The following RBFOX1 variants were observed in gnomAD, a reference collection of about 807,000 sequenced individuals.
RBFOX1 encodes the protein RNA binding fox-1 homolog 1.
RBFOX1 carries 8 observed loss-of-function variants against 57.7 expected under a neutral mutation model. The observed-to-expected ratio is 0.14, with a 90% CI of 0.08 to 0.25. The LOEUF (loss-of-function observed/expected upper bound fraction) is 0.25. RBFOX1 is among the 10% of genes least tolerant of loss of function. The pLI, the probability that RBFOX1 is intolerant of heterozygous loss-of-function variation, is 1.00. For synonymous variants in RBFOX1, 326 were observed against 222.4 expected, an observed-to-expected ratio of 1.47 and a Z score of -4.15; for missense variants, 611 against 548.5, an observed-to-expected ratio of 1.11 and a Z score of -1.14.
intron 2 of RBFOX1, among the ~76,000 whole-genome samples, chr16:6,482,631 C>G (rs1028095875): frequency 6.6e-6 from 1 of 152,174 alleles, no homozygotes; most frequent in African/African-American, 2.4e-5. Flanking sequence ...TCAGCGCATT[C>G]TCATTTAGTA....
chr16:7,185,810 C>G (rs534531269), intron 4 of RBFOX1, among the ~76,000 whole-genome samples: 1 of 152,270 alleles, frequency 6.6e-6, no homozygotes, highest in African/African-American at 2.4e-5. Context: ...GAGCATCAGT[C>G]AGACTCTCAG....
At chr16:5,717,240 T>C (rs1209380499) in intron 3 of RBFOX1, among the ~76,000 whole-genome samples, 2 of 152,216 alleles carry the variant, frequency 1.3e-5, no homozygotes, top group African/African-American at 2.4e-5. Context: ...AGGATTTTCT[T>C]GTGTGATACA....
intron 4 of RBFOX1, among the ~76,000 whole-genome samples, chr16:7,214,152 G>C (rs2091634336): frequency 6.6e-6 from 1 of 151,950 alleles, no homozygotes; most frequent in Non-Finnish European, 1.5e-5. Context: ...CTCAAACAAG[G>C]AATTATTATC....
At chr16:7,021,342 T>G (rs1282362041) in intron 3 of RBFOX1, among the ~76,000 whole-genome samples, 1 of 147,838 alleles carries the variant, frequency 6.8e-6, no homozygotes. Flanking sequence ...TTAAAAACAT[T>G]TTTGAATATT....
chr16:5,369,591 C>A (rs1410006962), intron 1 of RBFOX1, among the ~76,000 whole-genome samples: 1 of 152,246 alleles, frequency 6.6e-6, no homozygotes, highest in East Asian at 1.9e-4. Flanking sequence ...TCATGCCCCA[C>A]ACGCTCCTGA....
chr16:6,052,211 C>G (rs2095559294), intron 1 of RBFOX1, among the ~76,000 whole-genome samples: 1 of 152,044 alleles, frequency 6.6e-6, no homozygotes, highest in Non-Finnish European at 1.5e-5. Context: ...CTGCTTCTTC[C>G]TTCCATTTCC....
In RBFOX1 at chr16:5,996,629, T is replaced by C. The variant is rs533157025; in HGVS notation, c.351+129294T>C. Among the ~76,000 whole-genome samples, 9 of 152,162 alleles carry C rather than the reference T, an allele frequency of 5.9e-5. No homozygotes were observed. In the East Asian group the frequency reaches 1.4e-3, roughly 23 times the overall value. On this transcript the variant is annotated intron_variant, in intron 4 of 19. Coordinates refer to the RBFOX1 transcript ENST00000641259. The stretch of plus-strand genomic sequence containing the variant: ...GGCTAATTCTGTACCCTAGGGCTAA[T>C]TGCAGCATAGGCATTTACCACCTTG...
At chr16:7,340,549 G>A (rs1289300576) in intron 4 of RBFOX1, among the ~76,000 whole-genome samples, 1 of 152,132 alleles carries the variant, frequency 6.6e-6, no homozygotes, top group Non-Finnish European at 1.5e-5. Context: ...CACAACCTAG[G>A]GAAGTCAAGA....
intron 4 of RBFOX1, among the ~76,000 whole-genome samples, chr16:5,970,962 G>A (rs1270519978): frequency 6.6e-6 from 1 of 152,214 alleles, no homozygotes; most frequent in African/African-American, 2.4e-5. Flanking sequence ...ATACCCAGAT[G>A]TTTTTCCTCA....
chr16:5,370,870 A>T (rs1202224849), intron 1 of RBFOX1, among the ~76,000 whole-genome samples: 3 of 152,114 alleles, frequency 2.0e-5, no homozygotes, highest in Admixed American at 2.0e-4. Context: ...ACTCCCCAGG[A>T]TCAAGACTAT....
intron 1 of RBFOX1, among the ~76,000 whole-genome samples, chr16:5,466,415 G>A (rs994941060): frequency 6.6e-6 from 1 of 152,088 alleles, no homozygotes. Context: ...CTGACCCAAC[G>A]GAGGTGCTTG....
chr16:7,265,166 T>C (rs977525596), intron 4 of RBFOX1, among the ~76,000 whole-genome samples: 1 of 152,224 alleles, frequency 6.6e-6, no homozygotes, highest in Admixed American at 6.5e-5. Context: ...TCTTAGTCTA[T>C]CCAGTTGCCA....
chr16:5,661,552 C>T (rs2159303), intron 3 of RBFOX1, among the ~76,000 whole-genome samples: 138,039 of 152,268 alleles, frequency 0.91, 63,268 homozygotes, highest in East Asian at 1. Flanking sequence ...TTTAAAAATA[C>T]TTAATTGACA....
intron 2 of RBFOX1, among the ~76,000 whole-genome samples, chr16:6,575,052 A>G (rs201261269): frequency 0.34 from 50,614 of 150,650 alleles, 9,828 homozygotes; most frequent in Middle Eastern, 0.48. Flanking sequence ...AAAAAAAAAA[A>G]AAAAAAAAAA....
intron 2 of RBFOX1, among the ~76,000 whole-genome samples, chr16:6,616,365 A>G (rs1340753742): frequency 4.6e-5 from 7 of 151,944 alleles, no homozygotes; most frequent in Admixed American, 3.9e-4. Context: ...TGACTCAAAT[A>G]CAGTAAAAAT....
chr16:6,530,190 T>G (rs2096637336), intron 2 of RBFOX1, among the ~76,000 whole-genome samples: 1 of 152,148 alleles, frequency 6.6e-6, no homozygotes, highest in Non-Finnish European at 1.5e-5. Context: ...CTTTGGAGCA[T>G]TTTTTCCTTT....
intron 4 of RBFOX1, among the ~76,000 whole-genome samples, chr16:7,360,927 C>T (rs1463875329): frequency 2.0e-5 from 3 of 152,180 alleles, no homozygotes; most frequent in African/African-American, 7.2e-5. Flanking sequence ...AGAGTCTCAT[C>T]CACTGCGTAT....
rs145036131 is a variant in RBFOX1, at chr16:7,376,065, T to C, written c.28-142082T>C. Among the ~76,000 whole-genome samples, 283 of 152,284 alleles carry C rather than the reference T, an allele frequency of 1.9e-3. 1 individual carries two copies. The highest frequency in any genetic ancestry group is 6.6e-3 in the African/African-American group (276 of 41,560). On this transcript the variant is annotated intron_variant, in intron 4 of 15. Coordinates refer to ENST00000550418, the MANE Select transcript of RBFOX1 (RefSeq NM_018723.4). ...TTTTATTTTTTATTGTTCTGAAAAG[T>C]ACATTGTAAAAAAGGGAGTGTACAT...
intron 1 of RBFOX1, among the ~76,000 whole-genome samples, chr16:5,283,811 A>AT (rs758284157): frequency 4.6e-5 from 7 of 152,208 alleles, no homozygotes; most frequent in Non-Finnish European, 8.8e-5. Flanking sequence ...GTGTCACATG[A>AT]GACTTTGGAC....
Sources: allele counts gnomAD v4.1 joint callset (sites outside exome capture counted in the v4.1 genomes callset), GRCh38; gene constraint gnomAD v4.1.1; transcripts MANE v1.5; gene names NCBI Gene and HGNC (gene_info 2026-07-23, HGNC 2026-07-21).